The following KCNH7 variants were observed in gnomAD, a reference collection of about 807,000 sequenced individuals.
The protein encoded by KCNH7 is potassium voltage-gated channel subfamily H member 7.
Under a neutral mutation model 120.8 loss-of-function variants are expected in KCNH7, and 49 were observed. That is an observed-to-expected ratio of 0.41 (90% CI 0.32 to 0.51). The LOEUF (loss-of-function observed/expected upper bound fraction) is 0.51. Among genes scored for constraint, KCNH7 ranks in the 20% least tolerant of loss-of-function variants. The pLI, the probability that KCNH7 is intolerant of heterozygous loss-of-function variation, is 0.38. For synonymous variants in KCNH7, 547 were observed against 516.1 expected (o/e 1.06, Z -0.81); for missense variants, 1,097 against 1,446.6 (o/e 0.76, Z 3.92).
intron 2 of KCNH7, among the ~76,000 whole-genome samples, chr2:162,665,995 A>C (rs1434158234): frequency 6.6e-6 from 1 of 152,146 alleles, no homozygotes; most frequent in Admixed American, 6.5e-5. Context: ...TATAGAGAAA[A>C]ACTTTTTTTC....
intron 2 of KCNH7, among the ~76,000 whole-genome samples, chr2:162,785,502 C>T (rs1683667069): frequency 6.6e-6 from 1 of 151,936 alleles, no homozygotes; most frequent in Non-Finnish European, 1.5e-5. Flanking sequence ...ACTGACTTTA[C>T]TTTTTTATAA....
intron 6 of KCNH7, among the ~76,000 whole-genome samples, chr2:162,480,019 A>G (rs1003532047): frequency 2.0e-5 from 3 of 152,192 alleles, no homozygotes; most frequent in African/African-American, 7.2e-5. Context: ...GAAGAACATC[A>G]TTTCTTAAGA....
intron 6 of KCNH7, among the ~76,000 whole-genome samples, chr2:162,461,526 C>T (rs764648689): frequency 1.3e-5 from 2 of 152,118 alleles, no homozygotes; most frequent in African/African-American, 2.4e-5. Context: ...ACATTCAATG[C>T]TAATTATAGT....
rs1392601605 is a variant in KCNH7, at chr2:162,512,677, G to A, written c.893-3C>T. The A allele has an allele frequency of 1.9e-6, 3 of 1,607,290 alleles. No individual in the cohort carries two copies. Among genetic ancestry groups the A allele is most frequent in the East Asian group, 2.2e-5 (1 of 44,690 alleles). On this transcript the variant is annotated splice_polypyrimidine_tract_variant and splice_region_variant and intron_variant, in intron 4 of 15. Coordinates refer to ENST00000332142, the MANE Select transcript of KCNH7 (RefSeq NM_033272.4). Reference sequence around the variant, plus strand: ...ACCTTTGACATTGCGACCATTGTCTGTTTTGAGCACATAAGGATAAAAAAA... The same window carrying A: ...ACCTTTGACATTGCGACCATTGTCTATTTTGAGCACATAAGGATAAAAAAA...
intron 2 of KCNH7, among the ~76,000 whole-genome samples, chr2:162,708,180 G>C (rs1029775798): frequency 1.2e-4 from 18 of 151,988 alleles, no homozygotes; most frequent in African/African-American, 4.1e-4. Flanking sequence ...TTAGCATATA[G>C]TAGGCCCTCA....
At chr2:162,375,895 T>TAAA (rs1224297777) in intron 14 of KCNH7, among the ~76,000 whole-genome samples, 2 of 92,126 alleles carry the variant, frequency 2.2e-5, no homozygotes, top group Non-Finnish European at 2.2e-5. Context: ...AGACCCTATC[T>TAAA]AAAAAAAAAA....
At chr2:162,402,482 G>C (rs534677082) in intron 9 of KCNH7, among the ~76,000 whole-genome samples, 2 of 150,442 alleles carry the variant, frequency 1.3e-5, no homozygotes, top group African/African-American at 2.4e-5. Context: ...GTTTACACAG[G>C]CCTCTGCATA....
At chr2:162,457,860 T>C (rs900184040) in intron 6 of KCNH7, among the ~76,000 whole-genome samples, 2 of 152,102 alleles carry the variant, frequency 1.3e-5, no homozygotes, top group African/African-American at 4.8e-5. Context: ...CCCCAGGCTT[T>C]TCAGCATATG....
chr2:162,491,912 C>T (rs1193665146), intron 6 of KCNH7, among the ~76,000 whole-genome samples: 2 of 152,160 alleles, frequency 1.3e-5, no homozygotes, highest in Non-Finnish European at 2.9e-5. Flanking sequence ...CGAACTCTGT[C>T]TTCTCTTCGT....
At chr2:162,528,620 CA>C (rs1691798525) in intron 3 of KCNH7, among the ~76,000 whole-genome samples, 2 of 151,906 alleles carry the variant, frequency 1.3e-5, no homozygotes, top group African/African-American at 4.8e-5. Context: ...GAAGCTATAT[CA>C]TGATAGGCGG....
At chr2:162,705,371 G>A (rs1423513392) in intron 2 of KCNH7, among the ~76,000 whole-genome samples, 1 of 152,004 alleles carries the variant, frequency 6.6e-6, no homozygotes, top group Non-Finnish European at 1.5e-5. Context: ...AGGTGTAATG[G>A]CAATTTTATT....
At chr2:162,409,319 C>A (rs373893645) in intron 9 of KCNH7, among the ~76,000 whole-genome samples, 20 of 151,616 alleles carry the variant, frequency 1.3e-4, no homozygotes, top group African/African-American at 4.8e-4. Flanking sequence ...ACTGTGGAAA[C>A]CTAAATAACA....
chr2:162,406,170 T>A (rs1346660296), intron 9 of KCNH7, among the ~76,000 whole-genome samples: 1 of 152,024 alleles, frequency 6.6e-6, no homozygotes, highest in Admixed American at 6.6e-5. Context: ...TTCTCGATTC[T>A]GTTTGGATAA....
chr2:162,817,401 C>A (rs746259209), intron 2 of KCNH7, among the ~76,000 whole-genome samples: 6 of 151,886 alleles, frequency 4.0e-5, no homozygotes, highest in Non-Finnish European at 5.9e-5. Context: ...GTTTATTTTT[C>A]TTTATTATTG....
chr2:162,720,638 T>G (rs1367156743), intron 2 of KCNH7, among the ~76,000 whole-genome samples: 1 of 152,112 alleles, frequency 6.6e-6, no homozygotes, highest in Non-Finnish European at 1.5e-5. Flanking sequence ...CTCACATAAT[T>G]CTTCAGTTGA....
At chr2:162,642,473 C>T (rs1428508321) in intron 2 of KCNH7, among the ~76,000 whole-genome samples, 6 of 152,134 alleles carry the variant, frequency 3.9e-5, no homozygotes, top group Non-Finnish European at 8.8e-5. Flanking sequence ...AGGCATATTG[C>T]ACATATTTCT....
intron 5 of KCNH7, among the ~76,000 whole-genome samples, chr2:162,510,273 A>G (rs1202616938): frequency 1.3e-5 from 2 of 151,644 alleles, no homozygotes; most frequent in African/African-American, 4.8e-5. Flanking sequence ...AAGAAAGAAG[A>G]TTAAGTGGAA....
At chr2:162,654,764 T>C (rs975610623) in intron 2 of KCNH7, among the ~76,000 whole-genome samples, 1 of 152,160 alleles carries the variant, frequency 6.6e-6, no homozygotes, top group Non-Finnish European at 1.5e-5. Flanking sequence ...GTAAAGAGAA[T>C]GTGGTATATA....
At chr2:162,708,324 C>A (rs1686791425) in intron 2 of KCNH7, among the ~76,000 whole-genome samples, 1 of 151,842 alleles carries the variant, frequency 6.6e-6, no homozygotes, top group African/African-American at 2.4e-5. Flanking sequence ...TTTAGTAAAG[C>A]TAAGGTGGGT....
Sources: gnomAD v4.1 joint callset for allele counts (sites outside exome capture counted in the v4.1 genomes callset) on GRCh38, gnomAD v4.1.1 for gene constraint, MANE v1.5 for transcripts, NCBI Gene and HGNC (gene_info 2026-07-23, HGNC 2026-07-21) for gene names.